The following CDKAL1 variants were observed in gnomAD, a reference collection of about 807,000 sequenced individuals.
CDKAL1 encodes threonylcarbamoyladenosine tRNA methylthiotransferase.
In CDKAL1, 32 loss-of-function variants were observed where a neutral mutation model predicts 68.2. The observed-to-expected ratio is 0.47, with a 90% CI of 0.35 to 0.63. CDKAL1 has a LOEUF of 0.63. CDKAL1 is among the 30% of genes least tolerant of loss of function. CDKAL1 has a pLI of 0.00. For synonymous variants in CDKAL1, 234 were observed against 244.3 expected (o/e 0.96, Z 0.39); for missense variants, 606 against 696.7 (o/e 0.87, Z 1.47).
intron 2 of CDKAL1, among the ~76,000 whole-genome samples, chr6:20,538,622 TA>T (rs1460738934): frequency 1.3e-5 from 2 of 152,204 alleles, no homozygotes; most frequent in African/African-American, 4.8e-5. Context: ...ATTGTGTAAT[TA>T]AAAAATATGG....
intron 9 of CDKAL1, among the ~76,000 whole-genome samples, chr6:20,880,956 A>G (rs1760782308): frequency 6.6e-6 from 1 of 152,196 alleles, no homozygotes; most frequent in South Asian, 2.1e-4. Flanking sequence ...TAGGGAAGTC[A>G]TCCAGGCATC....
At chr6:20,553,298 C>A (rs1327920116) in intron 4 of CDKAL1, among the ~76,000 whole-genome samples, 2 of 152,100 alleles carry the variant, frequency 1.3e-5, no homozygotes, top group East Asian at 3.9e-4. Flanking sequence ...CACCTGAGAT[C>A]AGGAGTTTGA....
At chr6:20,839,664 TTTCCTG>T (rs914633164) in intron 8 of CDKAL1, among the ~76,000 whole-genome samples, 1 of 152,138 alleles carries the variant, frequency 6.6e-6, no homozygotes, top group African/African-American at 2.4e-5. Flanking sequence ...CAAGCTTTAC[TTTCCTG>T]TTCCCAGCTT....
intron 11 of CDKAL1, among the ~76,000 whole-genome samples, chr6:21,033,972 AAGCAGC>A (rs35161624): frequency 4.0e-5 from 6 of 151,632 alleles, no homozygotes; most frequent in Admixed American, 1.3e-4. Flanking sequence ...AATAGTGAGG[AAGCAGC>A]AGCAGCAGCA....
chr6:20,846,340 A>T lies in CDKAL1; in HGVS notation c.742+162A>T, dbSNP rs554467703. ...AAGATGTGACCAGAGTTAATCACTT[A>T]GTTTATTTTTACATTAATGACTCTT... On this transcript the variant is annotated intron_variant, in intron 9 of 15. Coordinates refer to ENST00000274695, the MANE Select transcript of CDKAL1 (RefSeq NM_017774.3). 2.0e-5 allele frequency among the ~76,000 whole-genome samples: 3 copies of T among 152,336 alleles called. No individual in the cohort carries two copies. The South Asian group carries it at 6.2e-4, about 32-fold the overall frequency.
rs143633023 is a variant in CDKAL1 at position 20,731,339 on chromosome 6, G to A, written c.372-8180G>A. Among the ~76,000 whole-genome samples, 27 of 152,316 alleles carry A rather than the reference G, an allele frequency of 1.8e-4. No homozygotes were observed. In the South Asian group the frequency reaches 2.1e-3, roughly 12 times the overall value. On this transcript the variant is annotated intron_variant, in intron 5 of 15. Coordinates refer to ENST00000274695, the MANE Select transcript of CDKAL1 (RefSeq NM_017774.3). ...AAGGCAGCAGGGAAAAAGTGTTACTGGCTTAGACCATGGTGGTAGCTGTGG... is the reference window on the plus strand; with the variant it reads ...AAGGCAGCAGGGAAAAAGTGTTACTAGCTTAGACCATGGTGGTAGCTGTGG...
At chr6:20,757,839 C>CT (rs1049146130) in intron 6 of CDKAL1, among the ~76,000 whole-genome samples, 3 of 151,920 alleles carry the variant, frequency 2.0e-5, no homozygotes, top group African/African-American at 7.3e-5. Context: ...TTGACTTATT[C>CT]TTTTTTTAGC....
chr6:21,128,264 A>G (rs534274540), intron 13 of CDKAL1, among the ~76,000 whole-genome samples: 3 of 152,374 alleles, frequency 2.0e-5, no homozygotes, highest in Admixed American at 6.5e-5. Context: ...AACTGGGCTA[A>G]CAAAAGTGTT....
intron 9 of CDKAL1, among the ~76,000 whole-genome samples, chr6:20,917,535 G>T (rs1315806521): frequency 6.6e-6 from 1 of 152,026 alleles, no homozygotes; most frequent in Non-Finnish European, 1.5e-5. Context: ...ATTTCAGTAG[G>T]TTTCTGGGGA....
At chr6:20,656,353 C>T (rs531910150) in intron 5 of CDKAL1, among the ~76,000 whole-genome samples, 13 of 152,116 alleles carry the variant, frequency 8.5e-5, no homozygotes, top group South Asian at 2.1e-4. Context: ...CTTACCGGAG[C>T]GATGGCAAGA....
chr6:20,960,446 A>G (rs1447658229), intron 10 of CDKAL1, among the ~76,000 whole-genome samples: 4 of 152,310 alleles, frequency 2.6e-5, no homozygotes, highest in African/African-American at 9.6e-5. Flanking sequence ...CTCTTCCCAC[A>G]TATGTTCTGT....
In CDKAL1 at chr6:20,710,683, C is replaced by T. The variant is rs113288258; in HGVS notation, c.372-28836C>T. 3.7e-3 allele frequency among the ~76,000 whole-genome samples: 569 copies of T among 152,232 alleles called. 4 individuals carry two copies. Among genetic ancestry groups the T allele is most frequent in the Non-Finnish European group, 6.1e-3 (413 of 67,988 alleles). On this transcript the variant is annotated intron_variant, in intron 5 of 15. Transcript: ENST00000274695. ...AGAAAAGTGGAGGAGATAACTAGGACATAGTGAAGCTTACTTTAAAAAATA... is the reference window on the plus strand; with the variant it reads ...AGAAAAGTGGAGGAGATAACTAGGATATAGTGAAGCTTACTTTAAAAAATA...
rs550672723 is a variant in CDKAL1 at position 20,830,833 on chromosome 6, G to A, written c.639-15242G>A. ...CCGCATTTCAGAAAATGTGGGTTTT[G>A]CTTCTTCAAACTAATTAGCTGAATC... On this transcript the variant is annotated intron_variant, in intron 8 of 15. Transcript: ENST00000274695. 6.9e-4 allele frequency among the ~76,000 whole-genome samples: 105 copies of A among 152,230 alleles called. 2 individuals carry two copies. The South Asian group carries it at 0.021, about 30-fold the overall frequency.
intron 9 of CDKAL1, among the ~76,000 whole-genome samples, chr6:20,944,388 G>A (rs536816707): frequency 1.4e-4 from 22 of 152,164 alleles, no homozygotes; most frequent in South Asian, 1.2e-3. Flanking sequence ...TCACTCTGTC[G>A]CCCAGCTGGA....
At chr6:20,666,776 T>C (rs1447657214) in intron 5 of CDKAL1, among the ~76,000 whole-genome samples, 1 of 151,806 alleles carries the variant, frequency 6.6e-6, no homozygotes, top group South Asian at 2.1e-4. Context: ...CATGCTCTGA[T>C]GACATTTTTG....
chr6:20,542,581 C>T (rs938484296), intron 2 of CDKAL1, among the ~76,000 whole-genome samples: 1 of 148,930 alleles, frequency 6.7e-6, no homozygotes, highest in Non-Finnish European at 1.5e-5. Context: ...TATTCCCCCC[C>T]CATTTTTTTC....
intron 4 of CDKAL1, among the ~76,000 whole-genome samples, chr6:20,642,875 G>A (rs1581880563): frequency 6.6e-6 from 1 of 151,640 alleles, no homozygotes; most frequent in African/African-American, 2.4e-5. Context: ...CTCCAGCCTG[G>A]GCGACACAGT....
intron 10 of CDKAL1, among the ~76,000 whole-genome samples, chr6:20,988,881 A>G (rs1766636573): frequency 6.8e-6 from 1 of 146,094 alleles, no homozygotes. Context: ...GATGGTCTTG[A>G]TCTCCTTACC....
chr6:20,974,816 A>C (rs1765762169), intron 10 of CDKAL1, among the ~76,000 whole-genome samples: 1 of 6,920 alleles, frequency 1.4e-4, no homozygotes, highest in Admixed American at 2.6e-3. Context: ...CAGTCTCTGC[A>C]AAAAAAAAAA....
Sources: gnomAD v4.1 joint callset for allele counts (sites outside exome capture counted in the v4.1 genomes callset) on GRCh38, gnomAD v4.1.1 for gene constraint, MANE v1.5 for transcripts, NCBI Gene and HGNC (gene_info 2026-07-23, HGNC 2026-07-21) for gene names.